The following ADAM28 variants were observed in gnomAD, a reference collection of about 807,000 sequenced individuals.
The protein encoded by ADAM28 is ADAM metallopeptidase domain 28, also known as disintegrin and metalloproteinase domain-containing protein 28.
Under a neutral mutation model 101.2 loss-of-function variants are expected in ADAM28, and 105 were observed. The ratio of observed to expected loss-of-function variants is 1.04; its 90% confidence interval spans 0.89 to 1.22. The LOEUF (loss-of-function observed/expected upper bound fraction) is 1.22. Among genes scored for constraint, ADAM28 ranks in the 50% most tolerant of loss-of-function variants. The pLI, the probability that ADAM28 is intolerant of heterozygous loss-of-function variation, is 0.00. For missense variants in ADAM28, 1,028 were observed against 945.4 expected (o/e 1.09, Z -1.15); for synonymous variants, 322 against 310.6 (o/e 1.04, Z -0.39).
At chr8:24,294,749 C>A (rs1807739693) in intron 1 of ADAM28, among the ~76,000 whole-genome samples, 1 of 152,030 alleles carries the variant, frequency 6.6e-6, no homozygotes, top group Admixed American at 6.6e-5. Flanking sequence ...AACAAAATAT[C>A]TCTGTTAAGC....
intron 18 of ADAM28, among the ~76,000 whole-genome samples, chr8:24,349,158 G>A (rs1365627678): frequency 1.3e-5 from 2 of 152,140 alleles, no homozygotes; most frequent in Non-Finnish European, 2.9e-5. Flanking sequence ...GCTGATTTCT[G>A]TAATAAGAGA....
rs1814529818 is a variant in ADAM28 at position 24,339,656 on chromosome 8, G to C, written c.1670+88G>C. On this transcript the variant is annotated intron_variant, in intron 15 of 22. Transcript: ENST00000265769. ...CACATTCTGATTTATTCCAGTTAAA[G>C]GGAAAGTGCATTTGGTCATCAATCA... The C allele has an allele frequency of 2.6e-6, 3 of 1,145,786 alleles. No individual in the cohort carries two copies. The Admixed American group carries it at 6.7e-5, about 26-fold the overall frequency. The allele number at this position is 1,145,786 out of a possible 1,614,324, so 71.0% of individuals were successfully genotyped here. A position where few individuals can be genotyped will look rare whatever the true frequency, so the allele number is the denominator to read the frequency against.
At chr8:24,352,202 T>TA in intron 21 of ADAM28, 150 bp downstream of exon 21, 1 of 782,458 alleles carries the variant, frequency 1.3e-6, no homozygotes, top group African/African-American at 1.8e-5. Context: ...TTCTGCAAAA[T>TA]ATTTTGAAAA....
chr8:24,348,093 C>A (rs1197005108), intron 18 of ADAM28, among the ~76,000 whole-genome samples: 1 of 151,842 alleles, frequency 6.6e-6, no homozygotes, highest in African/African-American at 2.4e-5. Flanking sequence ...TGTTTATGTT[C>A]CCTTTTCTCT....
intron 16 of ADAM28, 43 bp from the exon 17 acceptor site, chr8:24,343,058 G>A (rs182827287): frequency 2.1e-4 from 342 of 1,612,500 alleles, no homozygotes; most frequent in Middle Eastern, 1.7e-3. Context: ...TCTCATCTAC[G>A]TTCAGAGAAG....
At chr8:24,309,227 G>C (rs1269911722) in intron 2 of ADAM28, among the ~76,000 whole-genome samples, 3 of 152,040 alleles carry the variant, frequency 2.0e-5, no homozygotes, top group African/African-American at 4.8e-5. Flanking sequence ...TTAAATACCT[G>C]GGACTGTGGT....
chr8:24,338,243 G>A (rs573305210), intron 14 of ADAM28, among the ~76,000 whole-genome samples: 138 of 152,210 alleles, frequency 9.1e-4, no homozygotes, highest in African/African-American at 3.2e-3. Flanking sequence ...TAAATAAAGT[G>A]CATTAATTCA....
chr8:24,307,669 A>G (rs1809880369), intron 2 of ADAM28, among the ~76,000 whole-genome samples: 1 of 152,206 alleles, frequency 6.6e-6, no homozygotes, highest in South Asian at 2.1e-4. Flanking sequence ...CCATAGATGC[A>G]TATTTAACCT....
In ADAM28 at chr8:24,321,259, G is replaced by C. The variant is rs200192380; in HGVS notation, c.690G>C (p.Arg230Ser). Residue 230 changes from arginine to serine, a missense_variant, in exon 8 of 23, where the codon AGG (arginine) becomes AGC (serine). Coordinates refer to ENST00000265769, the MANE Select transcript of ADAM28 (RefSeq NM_014265.6). ...YNENQDEIRK[R>S]VFEMANYVNM... Reference sequence around the variant, plus strand: ...AGAATCAAGATGAGATCAGAAAGAGGGTATTTGAGATGGCTAATTATGTCA... The same window carrying C: ...AGAATCAAGATGAGATCAGAAAGAGCGTATTTGAGATGGCTAATTATGTCA... The C allele has an allele frequency of 6.2e-7, 1 of 1,607,666 alleles. No individual in the cohort carries two copies. Among genetic ancestry groups the C allele is most frequent in the Non-Finnish European group, 8.5e-7 (1 of 1,174,894 alleles).
chr8:24,347,498 A>G (rs1040351303), intron 18 of ADAM28, among the ~76,000 whole-genome samples: 1 of 152,048 alleles, frequency 6.6e-6, no homozygotes, highest in African/African-American at 2.4e-5. Flanking sequence ...TGATTTTTTC[A>G]TATACGTGTT....
rs139411715 is a variant in ADAM28, at chr8:24,343,150, C to T, written c.1880C>T (p.Thr627Ile). Residue 627 changes from threonine to isoleucine, a missense_variant, in exon 17 of 23, where the codon ACC becomes ATC. Thr to Ile is a moderately conservative substitution (Grantham distance 89). Transcript: ENST00000265769. Reference protein sequence around the residue: ...CVDIEKAYKSTNCSSKCKGHA... With the variant: ...CVDIEKAYKSINCSSKCKGHA... Reference sequence around the variant, plus strand: ...GATATTGAGAAAGCCTACAAATCAACCAATTGCTCATCTAAGTGCAAAGGA... The same window carrying T: ...GATATTGAGAAAGCCTACAAATCAATCAATTGCTCATCTAAGTGCAAAGGA... 3 of 1,613,730 alleles carry T rather than the reference C, an allele frequency of 1.9e-6. No homozygotes were observed. Among genetic ancestry groups the T allele is most frequent in the Non-Finnish European group, 1.7e-6 (2 of 1,179,836 alleles).
At chr8:24,309,764 G>C in intron 2 of ADAM28, 130 bp from the exon 3 acceptor site, 1 of 634,558 alleles carries the variant, frequency 1.6e-6, no homozygotes, top group South Asian at 2.1e-5. Flanking sequence ...TGTCAAGAGG[G>C]GAAGAGGCAA....
intron 19 of ADAM28, among the ~76,000 whole-genome samples, chr8:24,350,847 G>A (rs942767350): frequency 2.2e-5 from 3 of 139,240 alleles, no homozygotes; most frequent in African/African-American, 5.4e-5. Flanking sequence ...TCACGAACGT[G>A]ATTCTGGCAC....
intron 2 of ADAM28, among the ~76,000 whole-genome samples, chr8:24,307,417 C>T (rs926737561): frequency 6.6e-6 from 1 of 152,188 alleles, no homozygotes; most frequent in Non-Finnish European, 1.5e-5. Flanking sequence ...CTTGATCACA[C>T]ATGCCACATT....
intron 15 of ADAM28, 96 bp from the exon 16 acceptor site, chr8:24,341,502 C>T (rs1348956901): frequency 7.8e-7 from 1 of 1,286,394 alleles, no homozygotes; most frequent in East Asian, 2.3e-5. Flanking sequence ...GTCTCGGCTA[C>T]AGGGAAAAAT....
chr8:24,335,867 T>C, intron 14 of ADAM28: 2 of 1,233,992 alleles, frequency 1.6e-6, no homozygotes, highest in Non-Finnish European at 2.0e-6. Flanking sequence ...AACAAGTTTT[T>C]TGTTAATTTT....
intron 13 of ADAM28, 49 bp downstream of exon 13, chr8:24,332,798 A>G (rs1018055407): frequency 2.0e-6 from 2 of 1,021,136 alleles, no homozygotes; most frequent in Admixed American, 5.5e-5. Context: ...ATTTTTATAC[A>G]TTAACATCTC....
chr8:24,312,385 G>C (rs1167127911), intron 5 of ADAM28, among the ~76,000 whole-genome samples: 1 of 151,850 alleles, frequency 6.6e-6, no homozygotes, highest in Non-Finnish European at 1.5e-5. Context: ...TTGCCCCTCA[G>C]CCCTGCATTT....
chr8:24,319,730 G>T (rs6999677), intron 6 of ADAM28, among the ~76,000 whole-genome samples: 1 of 151,338 alleles, frequency 6.6e-6, no homozygotes, highest in Admixed American at 6.6e-5. Flanking sequence ...TTTGAAACAT[G>T]GGAAGGAGAT....
Sources: allele counts gnomAD v4.1 joint callset (sites outside exome capture counted in the v4.1 genomes callset), GRCh38; gene constraint gnomAD v4.1.1; transcripts MANE v1.5; gene names NCBI Gene and HGNC (gene_info 2026-07-23, HGNC 2026-07-21).